NCOR2: variants seen among roughly 807,000 people sequenced by gnomAD.
The protein encoded by NCOR2 is CTG repeat protein 26.
A neutral mutation model predicts 262.9 loss-of-function variants in NCOR2; 81 were observed. The ratio of observed to expected loss-of-function variants is 0.31; its 90% CI spans 0.26 to 0.37. The LOEUF is 0.37. Ranked by LOEUF, NCOR2 falls within the 10% of genes least tolerant of loss-of-function variation. NCOR2 has a pLI of 1.00. For synonymous variants in NCOR2, 1,659 were observed against 1,559.3 expected (o/e 1.06, Z -1.51); for missense variants, 3,385 against 3,621.4 (o/e 0.93, Z 1.68).
chr12:124,426,549 C>A, intron 11 of NCOR2, 73 bp downstream of exon 13: 1 of 1,396,358 alleles, frequency 7.2e-7, no homozygotes, highest in Non-Finnish European at 9.5e-7. Flanking sequence ...TGGTGGCTGC[C>A]GGGAGACAGC....
intron 1 of NCOR2, among the ~76,000 whole-genome samples, chr12:124,554,295 G>T (rs2051813433): frequency 6.6e-6 from 1 of 152,132 alleles, no homozygotes; most frequent in Non-Finnish European, 1.5e-5. Context: ...AGTGGGGATG[G>T]GTGTCCAAGG....
At chr12:124,370,855 G>C (rs773717087) in intron 20 of NCOR2, among the ~76,000 whole-genome samples, 3 of 152,178 alleles carry the variant, frequency 2.0e-5, no homozygotes. Context: ...GGCCACCCCA[G>C]CTGGAGAGGA....
chr12:124,439,263 G>GGAGACACA (rs1565945496), intron 7 of NCOR2, among the ~76,000 whole-genome samples: 1 of 10,094 alleles, frequency 9.9e-5, no homozygotes. Context: ...AGAGAGAGAT[G>GGAGACACA]GAGACCCTGA....
At chr12:124,383,944 C>G (rs763736443) in intron 17 of NCOR2, among the ~76,000 whole-genome samples, 7 of 152,168 alleles carry the variant, frequency 4.6e-5, no homozygotes, top group Non-Finnish European at 7.4e-5. Flanking sequence ...CCTGCGGAAG[C>G]CTGGAAAGCC....
chr12:124,458,144 G>C (rs572727257), intron 5 of NCOR2, among the ~76,000 whole-genome samples: 54 of 152,366 alleles, frequency 3.5e-4, no homozygotes, highest in Admixed American at 2.2e-3. Context: ...AGGCGGACAG[G>C]CCGCAGAAGT....
Position 124,545,384 on chromosome 12 carries a change from A to T in NCOR2, c.-164-9773T>A, listed in dbSNP as rs547057410. Among the ~76,000 whole-genome samples, 9 of 152,280 alleles carry T rather than the reference A, an allele frequency of 5.9e-5. No homozygotes were observed. The East Asian group carries it at 1.7e-3, about 29-fold the overall frequency. On this transcript the variant is annotated intron_variant, in intron 1 of 32. Transcript: ENST00000458234. ...AGGCAGCCCCTGACCCAGATCTTCC[A>T]TGGGCAGGGCTCTGCAGGAGCCTCT...
intron 13 of NCOR2, among the ~76,000 whole-genome samples, chr12:124,414,958 C>T (rs1020736837): frequency 5.9e-5 from 9 of 152,136 alleles, no homozygotes; most frequent in African/African-American, 2.2e-4. Flanking sequence ...GATCACAAGG[C>T]CTGAGCTGCC....
chr12:124,328,933 G>A (rs1416686768), intron 44 of NCOR2: 6 of 315,604 alleles, frequency 1.9e-5, no homozygotes, highest in Non-Finnish European at 2.5e-5. Context: ...CATTTCTGCA[G>A]CACTTTTGAA....
upstream of NCOR2, among the ~76,000 whole-genome samples, chr12:124,536,860 A>G (rs80152279): frequency 0.052 from 7,956 of 152,318 alleles, 283 homozygotes; most frequent in East Asian, 0.1. Flanking sequence ...TGTTCACTGA[A>G]GCTTTATGCA....
chr12:124,347,704 C>A, intron 30 of NCOR2, 121 bp downstream of exon 32: 1 of 913,548 alleles, frequency 1.1e-6, no homozygotes, highest in Non-Finnish European at 1.7e-6. Flanking sequence ...ATGTGTGCTG[C>A]AGGCCTTTCT....
chr12:124,341,802 G>A (rs1163481443), intron 34 of NCOR2, 21 bp downstream of exon 36: 2 of 1,584,732 alleles, frequency 1.3e-6, no homozygotes, highest in Non-Finnish European at 1.7e-6. Context: ...CCCAGCGGAG[G>A]TGGTCTGCCC....
chr12:124,350,401 G>T (rs2135887621), intron 28 of NCOR2, among the ~76,000 whole-genome samples, 186 bp downstream of exon 30: 1 of 152,350 alleles, frequency 6.6e-6, no homozygotes, highest in Non-Finnish European at 1.5e-5. Context: ...ACTGGGCAGA[G>T]GTGGGAGGCA....
exon 26 of NCOR2, chr12:124,354,522 T>C (rs2037788522): frequency 1.9e-6 from 3 of 1,595,044 alleles, no homozygotes; most frequent in Non-Finnish European, 2.6e-6. Context: ...CCCCAGGCTC[T>C]CCGGTGGCCC....
At chr12:124,369,467 G>C (rs1015234166) in intron 20 of NCOR2, among the ~76,000 whole-genome samples, 1 of 151,942 alleles carries the variant, frequency 6.6e-6, no homozygotes, top group African/African-American at 2.4e-5. Context: ...GGGGTCGCCT[G>C]GGGGGCCCGC....
rs770957018 is a variant in NCOR2 at position 124,347,600 on chromosome 12, G to C, written c.4072+225C>G. 4.3e-4 allele frequency: 242 copies of C among 561,078 alleles called. 3 individuals carry two copies. Among genetic ancestry groups the C allele is most frequent in the Admixed American group, 2.1e-4 (7 of 32,642 alleles). 34.8% of individuals were successfully genotyped at this position (561,078 alleles called of 1,614,324 possible). Reference sequence around the variant, plus strand: ...GACAGTTGCTATGTGACACCTAAAAGCACAGGGGTGATCGGTGGTATTTTG... The same window carrying C: ...GACAGTTGCTATGTGACACCTAAAACCACAGGGGTGATCGGTGGTATTTTG... On this transcript the variant is annotated intron_variant, in intron 30 of 46. Coordinates refer to ENST00000405201, the Ensembl canonical transcript of NCOR2.
At chr12:124,392,577 G>A (rs1320160930) in intron 16 of NCOR2, among the ~76,000 whole-genome samples, 1 of 152,140 alleles carries the variant, frequency 6.6e-6, no homozygotes, top group Non-Finnish European at 1.5e-5. Flanking sequence ...CCAAACCCAG[G>A]AGCAGCAGCA....
At chr12:124,331,247 G>C (rs540203435) in intron 43 of NCOR2, among the ~76,000 whole-genome samples, 2 of 151,996 alleles carry the variant, frequency 1.3e-5, no homozygotes, top group South Asian at 2.1e-4. Flanking sequence ...ATTTTTAGTA[G>C]AGACGGGGTT....
chr12:124,421,508 C>T (rs2043201911), intron 12 of NCOR2, among the ~76,000 whole-genome samples: 1 of 152,188 alleles, frequency 6.6e-6, no homozygotes, highest in African/African-American at 2.4e-5. Context: ...AGATTTTTCC[C>T]CACTCTGCTC....
At chr12:124,373,727 G>A (rs1254290560) in intron 19 of NCOR2, among the ~76,000 whole-genome samples, 35 of 64,052 alleles carry the variant, frequency 5.5e-4, no homozygotes, top group African/African-American at 1.8e-3. Flanking sequence ...CAGTGCGTGC[G>A]CAGGGGCCCC....
Sources: allele counts gnomAD v4.1 joint callset (sites outside exome capture counted in the v4.1 genomes callset), GRCh38; gene constraint gnomAD v4.1.1; transcripts MANE v1.5; gene names NCBI Gene and HGNC (gene_info 2026-07-23, HGNC 2026-07-21).